Variants in DLGAP2 observed in about 807,000 individuals in gnomAD.
DLGAP2 encodes DLG associated protein 2.
DLGAP2 carries 26 observed loss-of-function variants against 100.3 expected under a neutral mutation model. The observed-to-expected ratio is 0.26, with a 90% CI of 0.19 to 0.36. The LOEUF (loss-of-function observed/expected upper bound fraction) is 0.36. Ranked by LOEUF, DLGAP2 falls within the 10% of genes least tolerant of loss-of-function variation. The pLI, the probability that DLGAP2 is intolerant of heterozygous loss-of-function variation, is 1.00. For missense variants in DLGAP2, 1,858 were observed against 1,453.2 expected (o/e 1.28, Z -4.53); for synonymous variants, 886 against 630.1 (o/e 1.41, Z -6.08).
chr8:1,347,869 C>G (rs1056717788), intron 3 of DLGAP2, among the ~76,000 whole-genome samples: 1 of 150,960 alleles, frequency 6.6e-6, no homozygotes, highest in Non-Finnish European at 1.5e-5. Flanking sequence ...CTACATTGCA[C>G]TCATGGTAGC....
chr8:1,116,628 T>C (rs1055789226), intron 2 of DLGAP2, among the ~76,000 whole-genome samples: 3 of 152,006 alleles, frequency 2.0e-5, no homozygotes, highest in Non-Finnish European at 4.4e-5. Context: ...AAACCCCATC[T>C]CTACAAAAAA....
At chr8:1,392,215 C>T (rs1050287061) in intron 3 of DLGAP2, among the ~76,000 whole-genome samples, 7 of 152,126 alleles carry the variant, frequency 4.6e-5, no homozygotes, top group Admixed American at 2.6e-4. Flanking sequence ...AGATTATGGA[C>T]GGGGCGGCCT....
chr8:1,242,515 T>C (rs1280775961), intron 2 of DLGAP2, among the ~76,000 whole-genome samples: 1 of 152,208 alleles, frequency 6.6e-6, no homozygotes, highest in Non-Finnish European at 1.5e-5. Flanking sequence ...CCCCGCCCAC[T>C]TCCTCTTCAA....
chr8:1,679,503 A>G (rs1309543839), intron 12 of DLGAP2, among the ~76,000 whole-genome samples: 112 of 123,432 alleles, frequency 9.1e-4, no homozygotes, highest in South Asian at 2.3e-3. Flanking sequence ...TTCCTCTACC[A>G]GAGTCACCAC....
chr8:1,321,242 C>T (rs1800893590), intron 3 of DLGAP2, among the ~76,000 whole-genome samples: 1 of 151,252 alleles, frequency 6.6e-6, no homozygotes, highest in African/African-American at 2.4e-5. Context: ...TGTGTCTCTG[C>T]ATGTGCACGT....
In DLGAP2 at chr8:1,183,515, C is replaced by T. The variant is rs538148403; in HGVS notation, c.74-75336C>T. Among the ~76,000 whole-genome samples the T allele has an allele frequency of 3.3e-5, 5 of 152,274 alleles. No individual in the cohort carries two copies. The South Asian group carries it at 1.0e-3, about 32-fold the overall frequency. Reference sequence around the variant, plus strand: ...AAGGGTTCCAAGCCCTGGAAATATCCTTACTGATTTGTTAATCACAGCAGC... The same window carrying T: ...AAGGGTTCCAAGCCCTGGAAATATCTTTACTGATTTGTTAATCACAGCAGC... On this transcript the variant is annotated intron_variant, in intron 2 of 14. Coordinates refer to ENST00000637795, the MANE Select transcript of DLGAP2 (RefSeq NM_001346810.2).
chr8:1,489,668 G>A (rs547628957), intron 3 of DLGAP2, among the ~76,000 whole-genome samples: 3 of 152,252 alleles, frequency 2.0e-5, no homozygotes, highest in South Asian at 2.1e-4. Context: ...CCATAATTCC[G>A]CTCATCAGAG....
intron 1 of DLGAP2, among the ~76,000 whole-genome samples, chr8:809,283 T>C (rs1796324912): frequency 6.6e-6 from 1 of 152,226 alleles, no homozygotes; most frequent in African/African-American, 2.4e-5. Flanking sequence ...TGTTGTTTAA[T>C]GTCCAAATTA....
At chr8:1,595,100 G>A (rs1181489379) in intron 6 of DLGAP2, among the ~76,000 whole-genome samples, 3 of 151,840 alleles carry the variant, frequency 2.0e-5, no homozygotes, top group Admixed American at 2.0e-4. Flanking sequence ...GGAGTGCAGG[G>A]CGTCATCTCA....
chr8:852,416 C>A (rs1585932601), intron 1 of DLGAP2, among the ~76,000 whole-genome samples: 2 of 152,158 alleles, frequency 1.3e-5, no homozygotes, highest in Non-Finnish European at 2.9e-5. Flanking sequence ...ACACTAATGG[C>A]AAATCCAATG....
chr8:1,301,390 G>A (rs1800335260), intron 3 of DLGAP2: 1 of 152,150 alleles, frequency 6.6e-6, no homozygotes, highest in Non-Finnish European at 1.5e-5. Context: ...TGCAAGTTCT[G>A]CTCTCAACAG....
chr8:989,754 A>C (rs1563131204), intron 2 of DLGAP2, among the ~76,000 whole-genome samples: 1 of 152,192 alleles, frequency 6.6e-6, no homozygotes, highest in African/African-American at 2.4e-5. Context: ...TATGAAATAC[A>C]TAATATTGTT....
intron 2 of DLGAP2, among the ~76,000 whole-genome samples, chr8:1,160,364 G>T (rs1487428962): frequency 6.6e-6 from 1 of 152,172 alleles, no homozygotes; most frequent in Non-Finnish European, 1.5e-5. Flanking sequence ...CCAAACTCGG[G>T]GCAAGGAAGT....
At chr8:1,657,996 C>T (rs1337153092) in intron 8 of DLGAP2, among the ~76,000 whole-genome samples, 1 of 152,138 alleles carries the variant, frequency 6.6e-6, no homozygotes, top group Admixed American at 6.5e-5. Flanking sequence ...AAAAGAAAGT[C>T]TCCCGTTTGC....
intron 3 of DLGAP2, among the ~76,000 whole-genome samples, chr8:1,486,787 T>G (rs926759309): frequency 1.1e-4 from 16 of 152,222 alleles, no homozygotes; most frequent in Non-Finnish European, 1.3e-4. Context: ...AACATGAGAA[T>G]CATGCATTTG....
chr8:960,546 C>T (rs945721690), intron 2 of DLGAP2, among the ~76,000 whole-genome samples: 32 of 152,078 alleles, frequency 2.1e-4, no homozygotes, highest in African/African-American at 7.2e-4. Context: ...TGAATTGTAT[C>T]TTCTGTGATC....
chr8:1,366,072 C>T (rs1349954304), intron 3 of DLGAP2, among the ~76,000 whole-genome samples: 3 of 152,242 alleles, frequency 2.0e-5, no homozygotes, highest in Non-Finnish European at 2.9e-5. Context: ...GCAGATGTGC[C>T]TTATGTCACT....
At chr8:1,582,516 G>GA (rs539211033) in intron 6 of DLGAP2, among the ~76,000 whole-genome samples, 4,778 of 120,082 alleles carry the variant, frequency 0.04, 198 homozygotes, top group African/African-American at 0.12. Flanking sequence ...TCATCCTTAG[G>GA]AAAAAAAAAA....
chr8:847,016 G>C (rs1260228427), intron 1 of DLGAP2, among the ~76,000 whole-genome samples: 1 of 152,170 alleles, frequency 6.6e-6, no homozygotes, highest in Non-Finnish European at 1.5e-5. Flanking sequence ...TTGTAAAATG[G>C]TGCTTTTGAT....
Sources: allele counts gnomAD v4.1 joint callset (sites outside exome capture counted in the v4.1 genomes callset), GRCh38; gene constraint gnomAD v4.1.1; transcripts MANE v1.5; gene names NCBI Gene and HGNC (gene_info 2026-07-23, HGNC 2026-07-21).